Variants in LRP3 observed in about 807,000 individuals in gnomAD.
LRP3 encodes LDL receptor related protein 3, also known as low-density lipoprotein receptor-related protein 3.
Under a neutral mutation model 58.5 loss-of-function variants are expected in LRP3, and 49 were observed. The ratio of observed to expected loss-of-function variants is 0.84; its 90% CI spans 0.67 to 1.06. The LOEUF (loss-of-function observed/expected upper bound fraction) is 1.06, where lower values mean the gene tolerates loss of function less well. LRP3 is among the 50% of genes least tolerant of loss of function. The pLI is 0.00. For missense variants in LRP3, 1,019 were observed against 1,134.2 expected, an observed-to-expected ratio of 0.90 and a Z score of 1.46; for synonymous variants, 485 against 492.2, an observed-to-expected ratio of 0.99 and a Z score of 0.20.
chr19:33,204,333 T>G, intron 3 of LRP3: 1 of 387,572 alleles, frequency 2.6e-6, no homozygotes, highest in Admixed American at 4.2e-5. Context: ...CACTTCGGCT[T>G]CGGGCTGGGG....
In LRP3 at chr19:33,194,401, A is replaced by C; in HGVS notation, c.-385A>C. 7.1e-6 allele frequency among the ~76,000 whole-genome samples: 1 copy of C among 141,202 alleles called. No homozygotes were observed. The highest frequency in any genetic ancestry group is 2.3e-4 in the South Asian group (1 of 4,272). The allele number at this position is 141,202 out of a possible 152,430, so 92.6% of individuals were successfully genotyped here. A position where few individuals can be genotyped will look rare whatever the true frequency, so the allele number is the denominator to read the frequency against. ...GGGCGCAGCGCGGGGCGGCCCGGGG[A>C]CGCCGGGGCCGGGCGGGCTGCGCGC... On this transcript the variant is annotated 5_prime_UTR_variant, in exon 1 of 7. Transcript: ENST00000253193.
Position 33,207,284 on chromosome 19 carries a change from A to G in LRP3, c.2022A>G (p.Ala674=). Residue 674 remains alanine, a synonymous_variant, in exon 7 of 7, where the codon GCA becomes GCG. Coordinates refer to ENST00000253193, the MANE Select transcript of LRP3 (RefSeq NM_002333.4). ...GGCCCCCCAGTGCCCCCGGCCGTGC[A>G]CCGGAGGTGGGACCTTCAGGGCCAC... ...GDRPPSAPGR[A]PEVGPSGPPL... 6.4e-7 allele frequency: 1 copy of G among 1,557,922 alleles called. No individual in the cohort carries two copies. The highest frequency in any genetic ancestry group is 8.6e-7 in the Non-Finnish European group (1 of 1,159,778).
At position 33,205,385 on chromosome 19, in the gene LRP3, C is replaced by T. The variant is rs147754422; in HGVS notation, c.615C>T (p.Ser205=). Residue 205 remains serine, a synonymous_variant, in exon 5 of 7, where the codon TCC becomes TCT. Transcript: ENST00000253193. ...AGGGCAACTGCTCGGCGCCCGCCTCCGAGCCTCCAGGCAGCCTGTGCCCCG... is the reference window on the plus strand; with the variant it reads ...AGGGCAACTGCTCGGCGCCCGCCTCTGAGCCTCCAGGCAGCCTGTGCCCCG... ...SDEGNCSAPA[S]EPPGSLCPGG... 139 of 1,596,490 alleles carry T rather than the reference C, an allele frequency of 8.7e-5. No individual in the cohort carries two copies. The African/African-American group carries it at 1.2e-3, about 13-fold the overall frequency.
Position 33,207,265 on chromosome 19 carries a change from C to A in LRP3, c.2003C>A (p.Pro668His). 6.4e-7 allele frequency: 1 copy of A among 1,552,602 alleles called. No individual in the cohort carries two copies. The highest frequency in any genetic ancestry group is 1.2e-5 in the South Asian group (1 of 83,780). ...GSTRAAGDRP[P>H]SAPGRAPEVG... ...ACCAGGGCGGCCGGAGACAGGCCCC[C>A]CAGTGCCCCCGGCCGTGCACCGGAG... is the stretch of plus-strand genomic sequence containing the variant. The change falls in exon 7 of 7, where the codon CCC becomes CAC. Residue 668 changes from proline to histidine, a missense_variant. Physicochemically the swap from Pro to His is moderately conservative, Grantham distance 77 (BLOSUM62 -2). Coordinates refer to ENST00000253193, the MANE Select transcript of LRP3 (RefSeq NM_002333.4).
chr19:33,201,623 G>A (rs1046715440), intron 2 of LRP3, among the ~76,000 whole-genome samples: 1 of 152,220 alleles, frequency 6.6e-6, no homozygotes, highest in African/African-American at 2.4e-5. Context: ...ATGGGAGAGT[G>A]AGGAGAGAGT....
Position 33,206,164 on chromosome 19 carries a change from A to C in LRP3, c.1394A>C (p.Asn465Thr). The C allele has an allele frequency of 1.2e-6, 2 of 1,600,192 alleles. No individual in the cohort carries two copies. The highest frequency in any genetic ancestry group is 1.7e-6 in the Non-Finnish European group (2 of 1,173,234). ...CQPGTFHCGT[N>T]LCIFETWRCD... ...CCCGGCACCTTCCACTGCGGTACCA[A>C]CCTGTGCATCTTCGAGACGTGGCGC... The change falls in exon 5 of 7, where the codon AAC (asparagine) becomes ACC (threonine). Residue 465 changes from asparagine (N) to threonine (T), a missense_variant. By Grantham distance (65) the Asn-to-Thr change is moderately conservative. Coordinates refer to ENST00000253193, the MANE Select transcript of LRP3 (RefSeq NM_002333.4).
chr19:33,206,561 G>T (rs560075147), intron 5 of LRP3, 40 bp from the exon 6 acceptor site: 1 of 1,596,134 alleles, frequency 6.3e-7, no homozygotes, highest in Non-Finnish European at 8.5e-7. Context: ...TGCAGGTCCC[G>T]GGCAGCCCAG....
chr19:33,194,849 G>A lies in LRP3; in HGVS notation c.64G>A (p.Val22Ile). ...APGARAQLAV[V>I]CLVNIFLTGR... Reference sequence around the variant, plus strand: ...GGGCGCCCGGGCGCAGCTGGCCGTCGTCTGTCTGGGTGAGTGGGCCGCGCG... The same window carrying A: ...GGGCGCCCGGGCGCAGCTGGCCGTCATCTGTCTGGGTGAGTGGGCCGCGCG... The change falls in exon 1 of 7, where the codon GTC becomes ATC. Residue 22 changes from valine (V) to isoleucine (I), a missense_variant. This residue lies in a region of LRP3 where 592 missense variants were observed against 725.5 expected (regional missense o/e 0.82). Transcript: ENST00000253193. 1 of 1,106,908 alleles carries A rather than the reference G, an allele frequency of 9.0e-7. No individual in the cohort carries two copies. The highest frequency in any genetic ancestry group is 1.1e-6 in the Non-Finnish European group (1 of 908,988). The allele number at this position is 1,106,908 out of a possible 1,614,324, so 68.6% of individuals were successfully genotyped here.
intron 6 of LRP3, 73 bp from the exon 7 acceptor site, chr19:33,206,915 G>T: frequency 7.9e-7 from 1 of 1,262,194 alleles, no homozygotes; most frequent in Non-Finnish European, 1.1e-6. Flanking sequence ...GGGGTGTGCT[G>T]TCTCCTGCCC....
Position 33,206,575 on chromosome 19 carries a change from T to C in LRP3, c.1593-26T>C, listed in dbSNP as rs7259840. The C allele has an allele frequency of 2.5e-6, 4 of 1,602,202 alleles. No individual in the cohort carries two copies. In the South Asian group the frequency reaches 4.4e-5, roughly 18 times the overall value. ...CTGCAGGTCCCGGGCAGCCCAGTCA[T>C]GTCGCCCTCCGCCCACTGCTTCTAG... is the stretch of plus-strand genomic sequence containing the variant. On this transcript the variant is annotated intron_variant, in intron 5 of 6. Coordinates refer to ENST00000253193, the MANE Select transcript of LRP3 (RefSeq NM_002333.4).
Position 33,202,998 on chromosome 19 carries a change from C to T in LRP3, c.260+12C>T, listed in dbSNP as rs772446782. On this transcript the variant is annotated intron_variant, in intron 3 of 6. Coordinates refer to ENST00000253193, the MANE Select transcript of LRP3 (RefSeq NM_002333.4). ...ATGATTACCATCAGGTAGGGGCACC[C>T]GGGGGTGTCGGAAGGAATCAATGTG... 1.7e-5 allele frequency: 27 copies of T among 1,610,946 alleles called. No homozygotes were observed. The highest frequency in any genetic ancestry group is 6.7e-5 in the Admixed American group (4 of 59,816).
chr19:33,202,151 T>A (rs555524654), intron 2 of LRP3, among the ~76,000 whole-genome samples: 53 of 152,226 alleles, frequency 3.5e-4, no homozygotes, highest in Non-Finnish European at 6.5e-4. Context: ...TTTGGCGGCT[T>A]TGCACTTGTA....
In LRP3 at chr19:33,207,340, G is replaced by A. The variant is rs1322154363; in HGVS notation, c.2078G>A (p.Cys693Tyr). The A allele has an allele frequency of 1.3e-6, 2 of 1,584,808 alleles. No homozygotes were observed. Among genetic ancestry groups the A allele is most frequent in the South Asian group, 1.1e-5 (1 of 88,492 alleles). ...PLPSGLRDPE[C>Y]RPVDKDRKVC... ...CCCTCGGGCCTGCGAGACCCAGAGTGCAGGCCCGTGGACAAGGACAGAAAG... is the reference window on the plus strand; with the variant it reads ...CCCTCGGGCCTGCGAGACCCAGAGTACAGGCCCGTGGACAAGGACAGAAAG... The change falls in exon 7 of 7, where the codon TGC (cysteine) becomes TAC (tyrosine). Residue 693 changes from cysteine to tyrosine, a missense_variant. By Grantham distance (194) the Cys-to-Tyr change is radical. Around this residue, in one of 2 missense-constraint regions of LRP3, gnomAD observed 427 missense variants for 408.6 expected, o/e 1.04. Coordinates refer to ENST00000253193, the MANE Select transcript of LRP3 (RefSeq NM_002333.4).
chr19:33,197,023 G>A (rs1242869870), intron 2 of LRP3, among the ~76,000 whole-genome samples: 3 of 152,236 alleles, frequency 2.0e-5, no homozygotes, highest in Non-Finnish European at 4.4e-5. Flanking sequence ...ATGAGCCAGT[G>A]AGGCAAGCTC....
intron 2 of LRP3, among the ~76,000 whole-genome samples, chr19:33,199,903 C>A (rs921204131): frequency 6.6e-6 from 1 of 151,696 alleles, no homozygotes; most frequent in African/African-American, 2.4e-5. Flanking sequence ...GACACCTGGC[C>A]CCCAAGGGCC....
intron 3 of LRP3, 116 bp from the exon 4 acceptor site, chr19:33,204,522 C>T: frequency 1.4e-6 from 1 of 736,904 alleles, no homozygotes; most frequent in Non-Finnish European, 2.3e-6. Flanking sequence ...GGGCAGCCGG[C>T]CGGGACAGGG....
chr19:33,201,176 A>C (rs1298812201), intron 2 of LRP3, among the ~76,000 whole-genome samples: 1 of 152,198 alleles, frequency 6.6e-6, no homozygotes, highest in Non-Finnish European at 1.5e-5. Flanking sequence ...ATGTTCATCC[A>C]TCAGTCCCAA....
chr19:33,206,426 A>C, intron 5 of LRP3, 64 bp downstream of exon 5: 2 of 1,597,188 alleles, frequency 1.3e-6, no homozygotes, highest in Non-Finnish European at 1.7e-6. Context: ...CTGTCCCCGT[A>C]GCTGTGGGTT....
chr19:33,195,792 A>G (rs929798), intron 1 of LRP3, among the ~76,000 whole-genome samples: 121,693 of 152,158 alleles, frequency 0.8, 49,265 homozygotes, highest in Middle Eastern at 0.86. Context: ...CCCCAACCTC[A>G]GTGCGGGGTC....
Sources: gnomAD v4.1 joint callset for allele counts (sites outside exome capture counted in the v4.1 genomes callset) on GRCh38, gnomAD v4.1.1 for gene constraint, gnomAD v4.1.1 regional missense constraint, MANE v1.5 for transcripts, NCBI Gene and HGNC (gene_info 2026-07-23, HGNC 2026-07-21) for gene names.